Variants in TUB observed in about 807,000 individuals in gnomAD.
TUB encodes TUB bipartite transcription factor, also known as tubby protein homolog.
Under a neutral mutation model 59.7 loss-of-function variants are expected in TUB, and 33 were observed. The ratio of observed to expected loss-of-function variants is 0.55; its 90% CI spans 0.42 to 0.74. TUB has a LOEUF of 0.74. TUB is among the 30% of genes least tolerant of loss of function. The pLI is 0.00. For synonymous variants in TUB, 293 were observed against 256.4 expected (o/e 1.14, Z -1.36); for missense variants, 659 against 672.0 (o/e 0.98, Z 0.21).
chr11:8,069,711 C>T (rs1881239), intron 2 of TUB, among the ~76,000 whole-genome samples: 16,050 of 150,408 alleles, frequency 0.11, 941 homozygotes, highest in African/African-American at 0.14. Context: ...GTTTTTTTTT[C>T]CTTCCAGATA....
chr11:8,101,908 G>A lies in TUB; in HGVS notation c.*289G>A, dbSNP rs567473331. 38 of 399,392 alleles carry A rather than the reference G, an allele frequency of 9.5e-5. No homozygotes were observed. Among genetic ancestry groups the A allele is most frequent in the Middle Eastern group, 6.9e-4 (1 of 1,458 alleles). The allele number at this position is 399,392 out of a possible 1,614,324, so 24.7% of individuals were successfully genotyped here. A position where few individuals can be genotyped will look rare whatever the true frequency, so the allele number is the denominator to read the frequency against. On this transcript the variant is annotated 3_prime_UTR_variant, in exon 12 of 12. Transcript: ENST00000299506. The stretch of plus-strand genomic sequence containing the variant: ...CTTGGGGTAGTAGTGTGTTGTAGTC[G>A]TACTTACCAAGCTGAGCAACCTCTT...
upstream of TUB, among the ~76,000 whole-genome samples, chr11:8,078,369 C>A (rs1943484121): frequency 6.6e-6 from 1 of 152,100 alleles, no homozygotes; most frequent in Admixed American, 6.5e-5. Flanking sequence ...GTGTTTCAGT[C>A]CAGATAACCT....
intron 1 of TUB, among the ~76,000 whole-genome samples, chr11:8,031,279 A>G (rs1475947006): frequency 6.6e-6 from 1 of 152,188 alleles, no homozygotes; most frequent in Non-Finnish European, 1.5e-5. Flanking sequence ...AGGATTGGGA[A>G]GTGGAAGGAG....
chr11:8,095,794 C>T (rs1943966574), intron 5 of TUB, 129 bp downstream of exon 5: 1 of 1,033,338 alleles, frequency 9.7e-7, no homozygotes, highest in East Asian at 2.6e-5. Flanking sequence ...GGGTGGGGCA[C>T]ACTTCGGAGA....
exon 1 of TUB, chr11:8,038,828 C>T: frequency 6.2e-7 from 1 of 1,601,444 alleles, no homozygotes; most frequent in Non-Finnish European, 8.5e-7. Context: ...TACTATGCAG[C>T]CTGAAGTGGG....
At position 8,090,115 on chromosome 11, in the gene TUB, T is replaced by C; in HGVS notation, c.137T>C (p.Leu46Pro). The C allele has an allele frequency of 6.2e-7, 1 of 1,613,232 alleles. No individual in the cohort carries two copies. The highest frequency in any genetic ancestry group is 8.5e-7 in the Non-Finnish European group (1 of 1,179,670). Residue 46 changes from leucine to proline, a missense_variant, in exon 3 of 12, where the codon CTG becomes CCG. Leu to Pro is a moderately conservative substitution (Grantham distance 98). Transcript: ENST00000299506. ...QKQKKKRQEPLMVQANADGRP... is the reference protein window; with the variant it reads ...QKQKKKRQEPPMVQANADGRP... ...CAGAAGAAGAAGCGCCAGGAGCCCC[T>C]GATGGTGCAGGCCAATGCAGATGGG...
Position 8,101,567 on chromosome 11 carries a change from A to G in TUB, c.1469A>G (p.Gln490Arg). ...MDYNYPLCAL[Q>R]AFAIALSSFD... ...TACAACTACCCGCTGTGTGCACTGCAGGCCTTTGCCATTGCCCTGTCCAGC... is the reference window on the plus strand; with the variant it reads ...TACAACTACCCGCTGTGTGCACTGCGGGCCTTTGCCATTGCCCTGTCCAGC... Residue 490 changes from glutamine (Q) to arginine (R), a missense_variant, in exon 12 of 12, where the codon CAG becomes CGG. By Grantham distance (43) the Gln-to-Arg change is conservative. This residue lies in a region of TUB where 226 missense variants were observed against 210.8 expected (regional missense o/e 1.07). Coordinates refer to ENST00000299506, the MANE Select transcript of TUB (RefSeq NM_177972.3). 1 of 1,614,230 alleles carries G rather than the reference A, an allele frequency of 6.2e-7. No individual in the cohort carries two copies. Among genetic ancestry groups the G allele is most frequent in the Non-Finnish European group, 8.5e-7 (1 of 1,180,034 alleles).
At chr11:8,025,241 A>G (rs374438983) in intron 1 of TUB, among the ~76,000 whole-genome samples, 2 of 152,186 alleles carry the variant, frequency 1.3e-5, no homozygotes, top group African/African-American at 4.8e-5. Context: ...GTCTGACAGC[A>G]TGGGCATGCT....
chr11:8,021,770 G>A (rs1318620833), intron 1 of TUB, among the ~76,000 whole-genome samples: 1 of 151,828 alleles, frequency 6.6e-6, no homozygotes, highest in Non-Finnish European at 1.5e-5. Flanking sequence ...AAAAAAATTA[G>A]CTGGGCGTGG....
chr11:8,025,541 T>G (rs1942489389), intron 1 of TUB, among the ~76,000 whole-genome samples: 1 of 152,218 alleles, frequency 6.6e-6, no homozygotes, highest in Admixed American at 6.5e-5. Flanking sequence ...ACTGATCTGA[T>G]TCGTTTCCTA....
Position 8,101,834 on chromosome 11 carries a change from GGATGAGAA to G in TUB, c.*216_*223del. 1.4e-6 allele frequency: 1 copy of G among 703,250 alleles called. No homozygotes were observed. Among genetic ancestry groups the G allele is most frequent in the Non-Finnish European group, 2.3e-6 (1 of 442,396 alleles). 43.6% of individuals were successfully genotyped at this position (703,250 alleles called of 1,614,324 possible). A position where few individuals can be genotyped will look rare whatever the true frequency, so the allele number is the denominator to read the frequency against. ...GGAGAGCGGGTGGGTGGGTGTGAAG[GGATGAGAA>G]TAATTCTTTCCATGCCACGAGATCA... On this transcript the variant is annotated 3_prime_UTR_variant, in exon 12 of 12. Transcript: ENST00000299506.
At chr11:8,062,823 G>A (rs531918159) in intron 2 of TUB, among the ~76,000 whole-genome samples, 85 of 152,108 alleles carry the variant, frequency 5.6e-4, no homozygotes, top group African/African-American at 1.8e-3. Context: ...TGCTCTTGGC[G>A]GACACCTACC....
chr11:8,047,968 A>C (rs1487599622), intron 2 of TUB, among the ~76,000 whole-genome samples: 1 of 151,904 alleles, frequency 6.6e-6, no homozygotes, highest in Non-Finnish European at 1.5e-5. Context: ...ATAATTATTT[A>C]TATCCTTCAC....
chr11:8,029,469 A>G (rs1005656014), intron 1 of TUB, among the ~76,000 whole-genome samples: 1 of 148,854 alleles, frequency 6.7e-6, no homozygotes, highest in Non-Finnish European at 1.5e-5. Context: ...GCTCACTGCA[A>G]CCTCTGCCTC....
chr11:8,085,955 TG>T (rs1241773353), intron 1 of TUB, among the ~76,000 whole-genome samples: 1 of 152,172 alleles, frequency 6.6e-6, no homozygotes, highest in Non-Finnish European at 1.5e-5. Flanking sequence ...GCAGGTTCCC[TG>T]GGAGGTGAAG....
At position 8,081,457 on chromosome 11, in the gene TUB, C is replaced by T; in HGVS notation, c.-54C>T. The T allele has an allele frequency of 1.1e-5, 16 of 1,400,978 alleles. No individual in the cohort carries two copies. The highest frequency in any genetic ancestry group is 1.5e-5 in the Non-Finnish European group (16 of 1,080,970). 86.8% of individuals were successfully genotyped at this position (1,400,978 alleles called of 1,614,324 possible). On this transcript the variant is annotated 5_prime_UTR_variant, in exon 1 of 12. Transcript: ENST00000299506. ...GAGCTGAGCAGGGCCCCCGCGCCGG[C>T]CCCTCCGGGCCCCGGCCTCCAGAGC...
intron 11 of TUB, 120 bp from the exon 12 acceptor site, chr11:8,101,366 C>T (rs1944293954): frequency 7.6e-7 from 1 of 1,307,516 alleles, no homozygotes; most frequent in South Asian, 1.3e-5. Flanking sequence ...TGTGATTCCC[C>T]TGGCATCTCT....
At chr11:8,058,172 A>G (rs556629501) in intron 2 of TUB, among the ~76,000 whole-genome samples, 55 of 150,992 alleles carry the variant, frequency 3.6e-4, no homozygotes, top group African/African-American at 1.1e-3. Context: ...AGATCACACC[A>G]CTGCACTCCA....
rs1450106530 is a variant in TUB at position 8,106,006 on chromosome 11, G to A, written c.*4387G>A. On this transcript the variant is annotated 3_prime_UTR_variant, in exon 12 of 12. Transcript: ENST00000299506. ...CAAGATTGTCTTTTCCTATTTTGGA[G>A]TGGTCAGACATTTTATTTTTGTTCA... 1 of 151,864 alleles carries A rather than the reference G, an allele frequency of 6.6e-6. No homozygotes were observed. Among genetic ancestry groups the A allele is most frequent in the African/African-American group, 2.4e-5 (1 of 41,438 alleles). 9.4% of individuals were successfully genotyped at this position (151,864 alleles called of 1,614,324 possible).
Sources: gnomAD v4.1 joint callset for allele counts (sites outside exome capture counted in the v4.1 genomes callset) on GRCh38, gnomAD v4.1.1 for gene constraint, gnomAD v4.1.1 regional missense constraint, MANE v1.5 for transcripts, NCBI Gene and HGNC (gene_info 2026-07-23, HGNC 2026-07-21) for gene names.